Variants in BCAT1 observed in about 807,000 individuals in gnomAD.
BCAT1 encodes the protein branched-chain-amino-acid aminotransferase, cytosolic.
BCAT1 carries 48 observed loss-of-function variants against 52.4 expected under a neutral mutation model. That is an observed-to-expected ratio of 0.92 (90% CI 0.73 to 1.16). The LOEUF is 1.16. Ranked by LOEUF, BCAT1 falls within the 50% of genes most tolerant of loss-of-function variation. The pLI, the probability that BCAT1 is intolerant of heterozygous loss-of-function variation, is 0.00. For synonymous variants in BCAT1, 167 were observed against 161.3 expected (o/e 1.04, Z -0.27); for missense variants, 451 against 457.1 (o/e 0.99, Z 0.12).
At chr12:24,926,054 G>A (rs1943576186) in intron 1 of BCAT1, among the ~76,000 whole-genome samples, 3 of 151,636 alleles carry the variant, frequency 2.0e-5, no homozygotes, top group Non-Finnish European at 2.9e-5. Context: ...GCTGCCCATC[G>A]TCTGGGATGT....
chr12:24,913,359 C>T (rs1213051519), intron 1 of BCAT1, among the ~76,000 whole-genome samples: 1 of 152,228 alleles, frequency 6.6e-6, no homozygotes, highest in East Asian at 1.9e-4. Flanking sequence ...TGTGCTTCAA[C>T]ATTGCTTGGG....
intron 1 of BCAT1, among the ~76,000 whole-genome samples, chr12:24,905,914 TAAG>T (rs1408540035): frequency 2.6e-5 from 4 of 151,032 alleles, no homozygotes; most frequent in Non-Finnish European, 4.4e-5. Flanking sequence ...ATCCTTTTAA[TAAG>T]TCAGATTTGG....
rs566208310 is a variant in BCAT1 at position 24,902,133 on chromosome 12, A to T, written c.7-248T>A. ...TTGTCCTCCTCCGCCGGCTCAGGGA[A>T]GACTGGTTAAATTCCAGGTCAGCCC... On this transcript the variant is annotated intron_variant, in intron 1 of 10. Transcript: ENST00000261192. 15 of 1,448,170 alleles carry T rather than the reference A, an allele frequency of 1.0e-5. No homozygotes were observed. The South Asian group carries it at 2.2e-4, about 21-fold the overall frequency. 89.7% of individuals were successfully genotyped at this position (1,448,170 alleles called of 1,614,324 possible).
At chr12:24,824,263 C>A in intron 10 of BCAT1, among the ~76,000 whole-genome samples, 1 of 145,512 alleles carries the variant, frequency 6.9e-6, no homozygotes, top group Non-Finnish European at 1.5e-5. Flanking sequence ...TCCTTCCTTC[C>A]TTCATTCCCT....
intron 3 of BCAT1, among the ~76,000 whole-genome samples, chr12:24,887,080 A>AATATATATATATATATATATATAT (rs71063368): frequency 2.5e-5 from 1 of 40,746 alleles, no homozygotes; most frequent in Non-Finnish European, 5.2e-5. Context: ...AAAAAAAAAA[A>AATATATATATATATATATATATAT]ATATATATAT....
chr12:24,914,960 A>G (rs1943385987), intron 1 of BCAT1, among the ~76,000 whole-genome samples: 1 of 152,214 alleles, frequency 6.6e-6, no homozygotes, highest in Non-Finnish European at 1.5e-5. Flanking sequence ...AGTATGGTAT[A>G]ATTTTCTTCT....
At chr12:24,885,534 T>C (rs939143869) in intron 3 of BCAT1, among the ~76,000 whole-genome samples, 3 of 152,158 alleles carry the variant, frequency 2.0e-5, no homozygotes, top group Non-Finnish European at 2.9e-5. Flanking sequence ...AAAAACTGCA[T>C]GACAAAAGTT....
intron 1 of BCAT1, chr12:24,902,344 C>T (rs1859034644): frequency 1.7e-6 from 2 of 1,202,900 alleles, no homozygotes; most frequent in Admixed American, 4.2e-5. Flanking sequence ...CGGGCGTGAA[C>T]CATTTCCTCC....
At chr12:24,833,897 T>G (rs1471196205) in intron 8 of BCAT1, 1 of 152,520 alleles carries the variant, frequency 6.6e-6, no homozygotes, top group Admixed American at 6.6e-5. Context: ...CTTGGCTCAT[T>G]GCAGCCTCGA....
Position 24,878,610 on chromosome 12 carries a change from G to A in BCAT1, c.430C>T (p.Leu144Phe). ...ACCCATTCTTGATCCAATTTCACAA[G>A]CTGTTGAATACACTCTAAGAGCTCT... Reference protein sequence around the residue: ...KEELLECIQQLVKLDQEWVPY... With the variant: ...KEELLECIQQFVKLDQEWVPY... Residue 144 changes from leucine to phenylalanine, a missense_variant, in exon 5 of 11, where the codon CTT (leucine) becomes TTT (phenylalanine). Leu to Phe is a conservative substitution (Grantham distance 22, BLOSUM62 0). Transcript: ENST00000261192. The A allele has an allele frequency of 2.5e-6, 4 of 1,608,968 alleles. No homozygotes were observed. Among genetic ancestry groups the A allele is most frequent in the Non-Finnish European group, 2.6e-6 (3 of 1,175,746 alleles).
At chr12:24,912,296 C>T (rs1269187900) in intron 1 of BCAT1, among the ~76,000 whole-genome samples, 3 of 152,002 alleles carry the variant, frequency 2.0e-5, no homozygotes, top group Admixed American at 1.3e-4. Context: ...GGGCGGATCA[C>T]GAGGTCAGGA....
chr12:24,937,640 G>A (rs1051191308), intron 1 of BCAT1, among the ~76,000 whole-genome samples: 1 of 152,146 alleles, frequency 6.6e-6, no homozygotes, highest in Non-Finnish European at 1.5e-5. Flanking sequence ...GCCTCCCAAA[G>A]TGCTGGGATT....
chr12:24,933,990 T>C lies in BCAT1; in HGVS notation c.6+14937A>G, dbSNP rs1943717703. 2.0e-5 allele frequency among the ~76,000 whole-genome samples: 3 copies of C among 152,100 alleles called. No homozygotes were observed. The South Asian group carries it at 6.2e-4, about 32-fold the overall frequency. Reference sequence around the variant, plus strand: ...TCTTGGCCGGCACCAGCTTGTCTGCTCCTTACTGTACACTTGGCTGGCAGA... The same window carrying C: ...TCTTGGCCGGCACCAGCTTGTCTGCCCCTTACTGTACACTTGGCTGGCAGA... On this transcript the variant is annotated intron_variant, in intron 1 of 10. Coordinates refer to ENST00000261192, the MANE Select transcript of BCAT1 (RefSeq NM_005504.7).
chr12:24,855,330 A>G (rs538553730), intron 5 of BCAT1, among the ~76,000 whole-genome samples: 44 of 151,918 alleles, frequency 2.9e-4, no homozygotes, highest in African/African-American at 9.2e-4. Flanking sequence ...AAGAAAGAAA[A>G]AAAAAAGAAA....
chr12:24,844,952 C>A (rs1357917627), intron 6 of BCAT1, among the ~76,000 whole-genome samples: 1 of 145,838 alleles, frequency 6.9e-6, no homozygotes, highest in East Asian at 2.0e-4. Context: ...GTGGCTCATA[C>A]CTGTAATCTC....
chr12:24,859,450 C>A (rs138348844), intron 5 of BCAT1, among the ~76,000 whole-genome samples: 1 of 151,926 alleles, frequency 6.6e-6, no homozygotes, highest in Admixed American at 6.6e-5. Context: ...GAAACCCCGT[C>A]TCTACTAAAA....
At chr12:24,842,046 C>T in intron 7 of BCAT1, 36 bp downstream of exon 7, 1 of 1,605,408 alleles carries the variant, frequency 6.2e-7, no homozygotes, top group Non-Finnish European at 8.5e-7. Context: ...TTGAAAATGA[C>T]TGAGAAATGC....
At chr12:24,841,344 G>A (rs1490004463) in intron 7 of BCAT1, among the ~76,000 whole-genome samples, 1 of 152,172 alleles carries the variant, frequency 6.6e-6, no homozygotes, top group African/African-American at 2.4e-5. Flanking sequence ...AATCCTTCCA[G>A]TAGAATCAGT....
chr12:24,830,620 A>G (rs1940622850), intron 9 of BCAT1: 1 of 152,122 alleles, frequency 6.6e-6, no homozygotes, highest in Admixed American at 6.5e-5. Context: ...ATAATTATAT[A>G]TACTTACTTT....
Sources: gnomAD v4.1 joint callset for allele counts (sites outside exome capture counted in the v4.1 genomes callset) on GRCh38, gnomAD v4.1.1 for gene constraint, MANE v1.5 for transcripts, NCBI Gene and HGNC (gene_info 2026-07-23, HGNC 2026-07-21) for gene names.